The following METTL2B variants were observed in gnomAD, a reference collection of about 807,000 sequenced individuals.
METTL2B encodes methyltransferase 2B, tRNA N3-cytidine, also known as tRNA N(3)-cytidine methyltransferase METTL2B.
In METTL2B, 28 loss-of-function variants were observed where a neutral mutation model predicts 51.0. The observed-to-expected ratio is 0.55, with a 90% CI of 0.41 to 0.75. The LOEUF (loss-of-function observed/expected upper bound fraction) is 0.75, where lower values mean the gene tolerates loss of function less well. Ranked by LOEUF, METTL2B falls within the 30% of genes least tolerant of loss-of-function variation. METTL2B has a pLI of 0.00. For synonymous variants in METTL2B, 128 were observed against 166.3 expected, an observed-to-expected ratio of 0.77 and a Z score of 1.77; for missense variants, 313 against 460.7, an observed-to-expected ratio of 0.68 and a Z score of 2.93.
At chr7:128,482,912 G>A (rs1018922131) in intron 4 of METTL2B, 1 of 152,164 alleles carries the variant, frequency 6.6e-6, no homozygotes, top group African/African-American at 2.4e-5. Flanking sequence ...TTTCTCAAAG[G>A]TTTCATATAA....
Position 128,488,155 on chromosome 7 carries a change from G to A in METTL2B, c.663G>A (p.Leu221=), listed in dbSNP as rs765230306. ...CCDFSSTAIE[L]VQTNSEYDPS... is the part of the protein sequence containing the mutation. Reference sequence around the variant, plus strand: ...ATTTTTCTTCCACAGCTATAGAACTGGTCCAGGTGAGTACGATGGGAAATT... The same window carrying A: ...ATTTTTCTTCCACAGCTATAGAACTAGTCCAGGTGAGTACGATGGGAAATT... Residue 221 remains leucine, a synonymous_variant, in exon 5 of 9, where the codon CTG becomes CTA. Transcript: ENST00000262432. The A allele has an allele frequency of 1.9e-6, 3 of 1,613,204 alleles. No individual in the cohort carries two copies. Among genetic ancestry groups the A allele is most frequent in the Admixed American group, 1.7e-5 (1 of 59,930 alleles).
At chr7:128,489,435 CA>C (rs111503975) in intron 5 of METTL2B, among the ~76,000 whole-genome samples, 111,641 of 141,874 alleles carry the variant, frequency 0.79, 43,593 homozygotes, top group East Asian at 0.94. Flanking sequence ...GACTCCATCT[CA>C]AAAAAAAAAA....
rs1421788567 is a variant in METTL2B at position 128,476,833 on chromosome 7, G to A, written c.68G>A (p.Arg23Gln). 2.5e-6 allele frequency: 4 copies of A among 1,614,054 alleles called. No homozygotes were observed. The highest frequency in any genetic ancestry group is 1.6e-4 in the Middle Eastern group (1 of 6,082). ...LADKRQQFGSRFLSDPARVFH... is the reference protein window; with the variant it reads ...LADKRQQFGSQFLSDPARVFH... ...GATAAGAGGCAGCAGTTCGGAAGCCGGTTCCTGAGCGATCCGGCGCGCGTC... is the reference window on the plus strand; with the variant it reads ...GATAAGAGGCAGCAGTTCGGAAGCCAGTTCCTGAGCGATCCGGCGCGCGTC... Residue 23 changes from arginine (R) to glutamine (Q), a missense_variant, in exon 1 of 9, where the codon CGG becomes CAG. Coordinates refer to ENST00000262432, the MANE Select transcript of METTL2B (RefSeq NM_018396.3).
At chr7:128,494,427 A>G (rs184671144) in intron 6 of METTL2B, among the ~76,000 whole-genome samples, 3 of 152,180 alleles carry the variant, frequency 2.0e-5, no homozygotes, top group African/African-American at 4.8e-5. Context: ...TTGATGTCCA[A>G]CTTCTGTTCT....
intron 4 of METTL2B, among the ~76,000 whole-genome samples, chr7:128,481,384 C>T (rs930142382): frequency 2.0e-5 from 3 of 152,206 alleles, no homozygotes; most frequent in South Asian, 4.1e-4. Flanking sequence ...TCTGGCCCTC[C>T]GTGTTTCTGC....
intron 4 of METTL2B, chr7:128,484,079 C>T (rs57890423): frequency 6.6e-6 from 1 of 151,682 alleles, no homozygotes; most frequent in Non-Finnish European, 1.5e-5. Context: ...AGGCGGGTCT[C>T]GAACTCCTGA....
At position 128,493,939 on chromosome 7, in the gene METTL2B, G is replaced by A. The variant is rs1268307356; in HGVS notation, c.805G>A (p.Asp269Asn). 4 of 1,591,558 alleles carry A rather than the reference G, an allele frequency of 2.5e-6. No homozygotes were observed. The South Asian group carries it at 4.6e-5, about 18-fold the overall frequency. The stretch of plus-strand genomic sequence containing the variant: ...ATTTGTTCTTTCAGCAGTTGTTCCA[G>A]ACAAGTAAGTTTGGGTCCCTTAGCT... ...LIFVLSAVVP[D>N]KMQKAINRLS... The change falls in exon 6 of 9, where the codon GAC becomes AAC. Residue 269 changes from aspartate to asparagine, a missense_variant. Coordinates refer to ENST00000262432, the MANE Select transcript of METTL2B (RefSeq NM_018396.3).
intron 2 of METTL2B, chr7:128,478,102 A>C (rs1280310273): frequency 2.9e-6 from 1 of 347,630 alleles, no homozygotes; most frequent in Non-Finnish European, 6.0e-6. Context: ...AGTGGATTCC[A>C]ACTTCCATTG....
intron 4 of METTL2B, among the ~76,000 whole-genome samples, chr7:128,486,228 G>T (rs1404433088): frequency 6.6e-6 from 1 of 151,994 alleles, no homozygotes; most frequent in Admixed American, 6.6e-5. Flanking sequence ...CAGGAGTGGA[G>T]GTTGCAGTGA....
intron 3 of METTL2B, among the ~76,000 whole-genome samples, chr7:128,480,338 A>G (rs1424197683): frequency 3.3e-5 from 5 of 152,352 alleles, no homozygotes; most frequent in African/African-American, 9.6e-5. Context: ...CAATAATAAT[A>G]TAAGCTTAGT....
chr7:128,488,244 G>A (rs1792755794), intron 5 of METTL2B, 83 bp downstream of exon 5: 2 of 1,458,566 alleles, frequency 1.4e-6, no homozygotes, highest in East Asian at 2.3e-5. Context: ...GTCTCTGGCT[G>A]TGTTCTTATA....
At chr7:128,487,132 C>G (rs1006951556) in intron 4 of METTL2B, among the ~76,000 whole-genome samples, 2 of 152,190 alleles carry the variant, frequency 1.3e-5, no homozygotes, top group African/African-American at 2.4e-5. Flanking sequence ...CCACAGGTAG[C>G]TAGTGATTAC....
rs1224836599 is a variant in METTL2B, at chr7:128,498,244, A to G, written c.916+102A>G. 3 of 1,353,016 alleles carry G rather than the reference A, an allele frequency of 2.2e-6. No homozygotes were observed. In the African/African-American group the frequency reaches 4.4e-5, roughly 20 times the overall value. 83.8% of individuals were successfully genotyped at this position (1,353,016 alleles called of 1,614,324 possible). A position where few individuals can be genotyped will look rare whatever the true frequency, so the allele number is the denominator to read the frequency against. ...ATTCTCAGCAAACTAACACAAGAAC[A>G]GAAAACCAAACACCATATTTTCTCA... On this transcript the variant is annotated intron_variant, in intron 7 of 8. Transcript: ENST00000262432.
chr7:128,489,391 G>C (rs1352820977), intron 5 of METTL2B, among the ~76,000 whole-genome samples: 1 of 151,094 alleles, frequency 6.6e-6, no homozygotes. Context: ...AGCCAAGATC[G>C]TGCCACTGCA....
At chr7:128,500,214 G>C (rs1243035329) in intron 7 of METTL2B, among the ~76,000 whole-genome samples, 2 of 152,190 alleles carry the variant, frequency 1.3e-5, no homozygotes, top group Non-Finnish European at 2.9e-5. Flanking sequence ...AACAGTATCT[G>C]AGTTGTATTT....
intron 8 of METTL2B, 31 bp from the exon 9 acceptor site, chr7:128,501,731 A>T (rs745551389): frequency 1.9e-6 from 3 of 1,609,618 alleles, no homozygotes; most frequent in Middle Eastern, 1.7e-4. Flanking sequence ...TGAGGGGAAA[A>T]TGCATAAACA....
At chr7:128,482,665 C>G (rs1799886795) in intron 4 of METTL2B, among the ~76,000 whole-genome samples, 2 of 152,188 alleles carry the variant, frequency 1.3e-5, no homozygotes, top group Admixed American at 1.3e-4. Flanking sequence ...TCCCAAATAC[C>G]CGGGATTACA....
chr7:128,498,997 CAAA>C (rs57860093), intron 7 of METTL2B, among the ~76,000 whole-genome samples: 4 of 109,862 alleles, frequency 3.6e-5, no homozygotes, highest in African/African-American at 7.6e-5. Context: ...AACTCTGTCT[CAAA>C]AAAAAAAAAA....
At chr7:128,481,325 A>C (rs1799870306) in intron 4 of METTL2B, among the ~76,000 whole-genome samples, 1 of 152,210 alleles carries the variant, frequency 6.6e-6, no homozygotes, top group Non-Finnish European at 1.5e-5. Context: ...CCACAAGTTA[A>C]GGGTTCGGTC....
Sources: gnomAD v4.1 joint callset for allele counts (sites outside exome capture counted in the v4.1 genomes callset) on GRCh38, gnomAD v4.1.1 for gene constraint, MANE v1.5 for transcripts, NCBI Gene and HGNC (gene_info 2026-07-23, HGNC 2026-07-21) for gene names.